Variants in GPR17 observed in about 807,000 individuals in gnomAD.
GPR17 encodes uracil nucleotide/cysteinyl leukotriene receptor.
Under a neutral mutation model 1.5 loss-of-function variants are expected in GPR17, and 4 were observed. The observed-to-expected ratio is 2.73, with a 90% CI of 1.35 to 6.25. The LOEUF (loss-of-function observed/expected upper bound fraction) is 6.25. Ranked by LOEUF, GPR17 falls within the 30% of genes most tolerant of loss-of-function variation. The pLI is 0.00. For missense variants in GPR17, 463 were observed against 462.1 expected, an observed-to-expected ratio of 1.00 and a Z score of -0.02; for synonymous variants, 209 against 207.6, an observed-to-expected ratio of 1.01 and a Z score of -0.06.
In GPR17 at chr2:127,647,888, C is replaced by T; in HGVS notation, c.-21+1644C>T. The stretch of plus-strand genomic sequence containing the variant: ...CTCCCCTGCCACCGTCCCACCGGTA[C>T]CTGCTCCCTGTTCTCCCCTGCCTCA... On this transcript the variant is annotated intron_variant, in intron 1 of 1. Coordinates refer to ENST00000486700, the MANE Select transcript of GPR17 (RefSeq NM_001161417.2). This position sits in a 1 kb window ranked among gnomAD's most constrained non-coding sequence, Gnocchi z 4.3. 1 of 430,272 alleles carries T rather than the reference C, an allele frequency of 2.3e-6. No homozygotes were observed. Among genetic ancestry groups the T allele is most frequent in the Non-Finnish European group, 3.1e-6 (1 of 321,970 alleles). The allele number at this position is 430,272 out of a possible 1,614,324, so 26.7% of individuals were successfully genotyped here.
In GPR17 at chr2:127,650,829, A is replaced by C; in HGVS notation, c.94A>C (p.Met32Leu). 6.2e-7 allele frequency: 1 copy of C among 1,614,052 alleles called. No homozygotes were observed. Among genetic ancestry groups the C allele is most frequent in the Non-Finnish European group, 8.5e-7 (1 of 1,179,946 alleles). Reference sequence around the variant, plus strand: ...TGGCCAGGAGACGCCACTGGAGAACATGCTGTTCGCCTCCTTCTACCTTCT... The same window carrying C: ...TGGCCAGGAGACGCCACTGGAGAACCTGCTGTTCGCCTCCTTCTACCTTCT... ...QCGQETPLEN[M>L]LFASFYLLDF... The change falls in exon 2 of 2, where the codon ATG becomes CTG. Residue 32 changes from methionine (M) to leucine (L), a missense_variant. Met to Leu is a conservative substitution (Grantham distance 15, BLOSUM62 2). Transcript: ENST00000486700.
At chr2:127,649,746 T>C (rs1198052356) in intron 1 of GPR17, among the ~76,000 whole-genome samples, 2 of 152,186 alleles carry the variant, frequency 1.3e-5, no homozygotes, top group Admixed American at 6.5e-5. Flanking sequence ...CAGACGGACA[T>C]GACTTGTTAC....
rs980333228 is a variant in GPR17 at position 127,650,578 on chromosome 2, C to G, written c.-20-138C>G. On this transcript the variant is annotated intron_variant, in intron 1 of 1. Transcript: ENST00000486700. The stretch of plus-strand genomic sequence containing the variant: ...CACACCAAATGGACAAGGAGGTCCC[C>G]TCAGCAGCCCCGTGGGCGGTGCTGA... The G allele has an allele frequency of 7.8e-6, 5 of 642,772 alleles. No individual in the cohort carries two copies. The African/African-American group carries it at 9.1e-5, about 12-fold the overall frequency. The allele number at this position is 642,772 out of a possible 1,614,324, so 39.8% of individuals were successfully genotyped here.
intron 1 of GPR17, among the ~76,000 whole-genome samples, chr2:127,648,794 G>A (rs972933365): frequency 6.6e-6 from 1 of 151,594 alleles, no homozygotes; most frequent in Non-Finnish European, 1.5e-5. Flanking sequence ...GGTGGTGTGC[G>A]CCTGTAGTCC....
chr2:127,648,293 G>T, intron 1 of GPR17: 1 of 644,006 alleles, frequency 1.6e-6, no homozygotes, highest in Non-Finnish European at 1.9e-6. Flanking sequence ...TCAGGTAGGG[G>T]AACCTGCCTA....
rs917560443 is a variant in GPR17 at position 127,651,696 on chromosome 2, C to T, written c.961C>T (p.Pro321Ser). 1.2e-6 allele frequency: 2 copies of T among 1,613,140 alleles called. No homozygotes were observed. The highest frequency in any genetic ancestry group is 1.7e-6 in the Non-Finnish European group (2 of 1,180,002). Residue 321 changes from proline (P) to serine (S), a missense_variant, in exon 2 of 2, where the codon CCC (proline) becomes TCC (serine). Physicochemically the swap from Pro to Ser is moderately conservative, Grantham distance 74 (BLOSUM62 -1). Coordinates refer to ENST00000486700, the MANE Select transcript of GPR17 (RefSeq NM_001161417.2). ...LLCGKRLKGP[P>S]PSFEGKTNES... ...CTGTGGCAAAAGGCTCAAGGGCCCG[C>T]CCCCCAGCTTCGAAGGGAAAACCAA...
At position 127,651,408 on chromosome 2, in the gene GPR17, G is replaced by A. The variant is rs1323763093; in HGVS notation, c.673G>A (p.Val225Met). Residue 225 changes from valine to methionine, a missense_variant, in exon 2 of 2, where the codon GTG (valine) becomes ATG (methionine). Transcript: ENST00000486700. ...CCGCAGCCTGCGGCAGGGCCTGCGT[G>A]TGGAGAAGCGCCTCAAGACCAAGGC... is the stretch of plus-strand genomic sequence containing the variant. ...IIRSLRQGLR[V>M]EKRLKTKAVR... is the part of the protein sequence containing the mutation. The A allele has an allele frequency of 1.2e-6, 2 of 1,612,730 alleles. No homozygotes were observed. Among genetic ancestry groups the A allele is most frequent in the Non-Finnish European group, 1.7e-6 (2 of 1,180,058 alleles).
intron 1 of GPR17, chr2:127,650,427 T>C (rs1404026478): frequency 7.4e-6 from 4 of 538,144 alleles, no homozygotes; most frequent in Non-Finnish European, 1.3e-5. Flanking sequence ...ACTGACCCGG[T>C]CCTCCCAGCT....
In GPR17 at chr2:127,651,993, C is replaced by A; in HGVS notation, c.*238C>A. 2 of 565,686 alleles carry A rather than the reference C, an allele frequency of 3.5e-6. No individual in the cohort carries two copies. The allele number at this position is 565,686 out of a possible 1,614,324, so 35.0% of individuals were successfully genotyped here. On this transcript the variant is annotated 3_prime_UTR_variant, in exon 2 of 2. Transcript: ENST00000486700. ...GCTACAATGGCTCCTAGACACTCAA[C>A]GACTTCATCTGTGGCAGGGAGAGAG...
At chr2:127,650,314 C>G (rs145933795) in intron 1 of GPR17, 5 of 566,398 alleles carry the variant, frequency 8.8e-6, no homozygotes, top group Non-Finnish European at 1.6e-5. Context: ...ACACTGCCCC[C>G]GCCCCTCACC....
chr2:127,647,317 C>T lies in GPR17; in HGVS notation c.-21+1073C>T, dbSNP rs1229514461. On this transcript the variant is annotated intron_variant, in intron 1 of 1. Transcript: ENST00000486700. The surrounding 1 kb of genome is among the most constrained non-coding windows in gnomAD (Gnocchi z 4.3). ...GACTGAGTCACACTCCCCACCCTGG[C>T]GGTCTTCCAGGGAGTGAGACCGTTT... is the stretch of plus-strand genomic sequence containing the variant. Among the ~76,000 whole-genome samples, 2 of 152,184 alleles carry T rather than the reference C, an allele frequency of 1.3e-5. No homozygotes were observed. The highest frequency in any genetic ancestry group is 4.8e-5 in the African/African-American group (2 of 41,444).
chr2:127,646,955 A>G (rs1241174467), intron 1 of GPR17, among the ~76,000 whole-genome samples: 2 of 152,260 alleles, frequency 1.3e-5, no homozygotes, highest in African/African-American at 4.8e-5. Context: ...CCTGAAACCA[A>G]CCAGAAAGCT....
intron 1 of GPR17, chr2:127,648,331 AG>A: frequency 2.7e-6 from 1 of 371,384 alleles, no homozygotes; most frequent in Middle Eastern, 1.4e-3. Context: ...TAATATTATT[AG>A]GTAGTTGCCC....
intron 1 of GPR17, among the ~76,000 whole-genome samples, chr2:127,648,589 G>A (rs1683253006): frequency 6.6e-6 from 1 of 152,140 alleles, no homozygotes; most frequent in South Asian, 2.1e-4. Flanking sequence ...AGCATCCTGA[G>A]ACAGCCCTGT....
At position 127,652,450 on chromosome 2, in the gene GPR17, A is replaced by G. The variant is rs953924868; in HGVS notation, c.*695A>G. 2 of 167,370 alleles carry G rather than the reference A, an allele frequency of 1.2e-5. No homozygotes were observed. The highest frequency in any genetic ancestry group is 2.9e-5 in the Non-Finnish European group (2 of 68,512). The allele number at this position is 167,370 out of a possible 1,614,324, so 10.4% of individuals were successfully genotyped here. On this transcript the variant is annotated 3_prime_UTR_variant, in exon 2 of 2. Coordinates refer to ENST00000486700, the MANE Select transcript of GPR17 (RefSeq NM_001161417.2). The stretch of plus-strand genomic sequence containing the variant: ...CTCCCAGTCCTGGACAAGCATGTGC[A>G]GTCACGGGAGCTCAGCTCAGGCCAG...
chr2:127,649,538 G>A (rs1303417213), intron 1 of GPR17, among the ~76,000 whole-genome samples: 1 of 152,252 alleles, frequency 6.6e-6, no homozygotes, highest in East Asian at 1.9e-4. Flanking sequence ...CAGGTGCGCT[G>A]TCCTGCCCTG....
At chr2:127,649,049 AAAG>A (rs1161064624) in intron 1 of GPR17, among the ~76,000 whole-genome samples, 1 of 140,318 alleles carries the variant, frequency 7.1e-6, no homozygotes, top group African/African-American at 2.6e-5. Context: ...AAGAAAGAGA[AAAG>A]AAGAAAGGAA....
intron 1 of GPR17, among the ~76,000 whole-genome samples, chr2:127,649,043 AAG>A (rs199914025): frequency 0.1 from 7,005 of 68,208 alleles, 1,299 homozygotes; most frequent in Non-Finnish European, 0.12. Flanking sequence ...AAAAGAAAGA[AAG>A]AGAAAAGAAG....
intron 1 of GPR17, among the ~76,000 whole-genome samples, chr2:127,650,269 G>A (rs867406388): frequency 5.3e-5 from 8 of 152,258 alleles, no homozygotes; most frequent in Middle Eastern, 3.4e-3. Flanking sequence ...CACCTGCCAA[G>A]GCTTGGGCTG....
Sources: allele counts gnomAD v4.1 joint callset (sites outside exome capture counted in the v4.1 genomes callset), GRCh38; gene constraint gnomAD v4.1.1; non-coding constraint Gnocchi (gnomAD v3.1); transcripts MANE v1.5; gene names NCBI Gene and HGNC (gene_info 2026-07-23, HGNC 2026-07-21).